The following VAV1 variants were observed in gnomAD, a reference collection of about 807,000 sequenced individuals.
VAV1 encodes the protein vav guanine nucleotide exchange factor 1.
Under a neutral mutation model 128.1 loss-of-function variants are expected in VAV1, and 33 were observed. That is an observed-to-expected ratio of 0.26 (90% CI 0.20 to 0.34). The LOEUF is 0.34. VAV1 is among the 10% of genes least tolerant of loss of function. The probability of loss-of-function intolerance (pLI) is 1.00; values close to 1 mark genes in which losing one functional copy is unlikely to be tolerated. For missense variants in VAV1, 715 were observed against 1,093.7 expected (o/e 0.65, Z 4.88); for synonymous variants, 394 against 409.8 (o/e 0.96, Z 0.47).
chr19:6,839,428 GGC>G (rs1972315888), intron 21 of VAV1, among the ~76,000 whole-genome samples: 1 of 151,578 alleles, frequency 6.6e-6, no homozygotes, highest in South Asian at 2.1e-4. Flanking sequence ...CACCACACCT[GGC>G]TAATTTTTTG....
intron 24 of VAV1, among the ~76,000 whole-genome samples, chr19:6,851,673 G>C (rs1433030852): frequency 6.6e-6 from 1 of 152,148 alleles, no homozygotes; most frequent in African/African-American, 2.4e-5. Flanking sequence ...GAGGGTTCTT[G>C]CTTCTGTTTG....
intron 1 of VAV1, among the ~76,000 whole-genome samples, chr19:6,804,978 G>A (rs1194618481): frequency 2.6e-5 from 4 of 151,302 alleles, no homozygotes; most frequent in African/African-American, 7.3e-5. Context: ...TGAACCACCC[G>A]CCTCAGCCTC....
chr19:6,778,795 C>T (rs1970699103), intron 1 of VAV1, among the ~76,000 whole-genome samples: 2 of 152,034 alleles, frequency 1.3e-5, no homozygotes, highest in Non-Finnish European at 2.9e-5. Flanking sequence ...GTAATCCCAG[C>T]ACTTTGGGAG....
At chr19:6,813,296 T>C (rs899700981) in intron 1 of VAV1, among the ~76,000 whole-genome samples, 1 of 152,222 alleles carries the variant, frequency 6.6e-6, no homozygotes, top group Non-Finnish European at 1.5e-5. Context: ...ACAGGACTGA[T>C]TGAGTGGCCT....
At chr19:6,797,714 A>G (rs1379479985) in intron 1 of VAV1, among the ~76,000 whole-genome samples, 1 of 149,784 alleles carries the variant, frequency 6.7e-6, no homozygotes, top group Admixed American at 6.7e-5. Context: ...ATTGCACTCC[A>G]GCCTGGGCAA....
intron 1 of VAV1, among the ~76,000 whole-genome samples, chr19:6,793,301 T>G (rs893821395): frequency 1.6e-4 from 24 of 151,276 alleles, no homozygotes; most frequent in African/African-American, 4.6e-4. Context: ...GCCACTGCAC[T>G]CCAGCCTGGG....
intron 22 of VAV1, among the ~76,000 whole-genome samples, chr19:6,844,140 A>T (rs1972459214): frequency 8.3e-6 from 1 of 120,392 alleles, no homozygotes; most frequent in Admixed American, 1.2e-4. Context: ...TGAATTACTT[A>T]ATGTCACATG....
At chr19:6,778,462 G>A (rs1160571656) in intron 1 of VAV1, among the ~76,000 whole-genome samples, 1 of 152,188 alleles carries the variant, frequency 6.6e-6, no homozygotes, top group Non-Finnish European at 1.5e-5. Flanking sequence ...GGACTGGGGA[G>A]TGGGTTGGGT....
intron 6 of VAV1, among the ~76,000 whole-genome samples, chr19:6,823,807 A>T (rs1215646032): frequency 6.6e-6 from 1 of 152,188 alleles, no homozygotes; most frequent in African/African-American, 2.4e-5. Flanking sequence ...TCATTAATAT[A>T]CATGTAATCC....
At position 6,772,940 on chromosome 19, in the gene VAV1, C is replaced by G; in HGVS notation, c.133C>G (p.Gln45Glu). 1.2e-6 allele frequency: 2 copies of G among 1,614,130 alleles called. No individual in the cohort carries two copies. The highest frequency in any genetic ancestry group is 8.5e-7 in the Non-Finnish European group (1 of 1,180,010). Reference sequence around the variant, plus strand: ...CCTCCGGGATGGTGTCCTTCTGTGTCAGCTGCTTAACAACCTGCTACCCCA... The same window carrying G: ...CCTCCGGGATGGTGTCCTTCTGTGTGAGCTGCTTAACAACCTGCTACCCCA... ...QALRDGVLLCQLLNNLLPHAI... is the reference protein window; with the variant it reads ...QALRDGVLLCELLNNLLPHAI... Residue 45 changes from glutamine to glutamate, a missense_variant, in exon 1 of 27, where the codon CAG becomes GAG. Gln to Glu is a conservative substitution (Grantham distance 29, BLOSUM62 2). Around this residue, in one of 3 missense-constraint regions of VAV1, gnomAD observed 302 missense variants for 477.8 expected, o/e 0.63. Coordinates refer to ENST00000602142, the MANE Select transcript of VAV1 (RefSeq NM_005428.4). The surrounding 1 kb of genome is among the most constrained non-coding windows in gnomAD (Gnocchi z 4.8).
chr19:6,814,671 C>CCTTTCTTTCTTTCTTTCTTTCTTT lies in VAV1; in HGVS notation c.205-5993_205-5970dup. ...TCCTTCCTTCCTTCCTTCCTTCCTT[C>CCTTTCTTTCTTTCTTTCTTTCTTT]CTTTCTTTCTTTCTTTCTTTCTTTC... On this transcript the variant is annotated intron_variant, in intron 1 of 26. Coordinates refer to ENST00000602142, the MANE Select transcript of VAV1 (RefSeq NM_005428.4). 7.7e-3 allele frequency among the ~76,000 whole-genome samples: 199 copies of CCTTTCTTTCTTTCTTTCTTTCTTT among 25,790 alleles called. 10 individuals are homozygous for CCTTTCTTTCTTTCTTTCTTTCTTT. Among genetic ancestry groups the CCTTTCTTTCTTTCTTTCTTTCTTT allele is most frequent in the East Asian group, 0.025 (20 of 786 alleles). The allele number at this position is 25,790 out of a possible 152,430, so 16.9% of individuals were successfully genotyped here. A position where few individuals can be genotyped will look rare whatever the true frequency, so the allele number is the denominator to read the frequency against.
chr19:6,790,936 T>C (rs964409748), intron 1 of VAV1, among the ~76,000 whole-genome samples: 5 of 152,160 alleles, frequency 3.3e-5, no homozygotes, highest in African/African-American at 1.2e-4. Flanking sequence ...AGAGGCACTT[T>C]TGCCTCTTCC....
rs1191213969 is a variant in VAV1, at chr19:6,826,774, G to A, written c.927+63G>A. The A allele has an allele frequency of 7.6e-7, 1 of 1,322,756 alleles. No homozygotes were observed. Among genetic ancestry groups the A allele is most frequent in the East Asian group, 2.5e-5 (1 of 39,908 alleles). The allele number at this position is 1,322,756 out of a possible 1,614,324, so 81.9% of individuals were successfully genotyped here. On this transcript the variant is annotated intron_variant, in intron 9 of 26. Coordinates refer to ENST00000602142, the MANE Select transcript of VAV1 (RefSeq NM_005428.4). The surrounding 1 kb of genome is among the most constrained non-coding windows in gnomAD (Gnocchi z 4.1). ...CCTCCCCAGGCCCTGGGGGCAGCAG[G>A]GAGGACACTGAGTTGCAGATGGTCC...
intron 21 of VAV1, among the ~76,000 whole-genome samples, chr19:6,840,400 G>A (rs1848983526): frequency 6.6e-6 from 1 of 151,572 alleles, no homozygotes; most frequent in Non-Finnish European, 1.5e-5. Context: ...CCACTTCCCG[G>A]GTTCACACCA....
At position 6,829,905 on chromosome 19, in the gene VAV1, G is replaced by T; in HGVS notation, c.1385G>T (p.Arg462Leu). 6.2e-7 allele frequency: 1 copy of T among 1,614,180 alleles called. No individual in the cohort carries two copies. The highest frequency in any genetic ancestry group is 8.5e-7 in the Non-Finnish European group (1 of 1,180,030). ...GTTCGGGATGACTCTTCAGGAGACC[G>T]AGACAACAAGAAGGTGGGGCTTTGA... The part of the protein sequence containing the change: ...FQVRDDSSGD[R>L]DNKKWSHMFL... The change falls in exon 14 of 27, where the codon CGA becomes CTA. Residue 462 changes from arginine (R) to leucine (L), a missense_variant. Arg to Leu is a moderately radical substitution (Grantham distance 102). Transcript: ENST00000602142.
In VAV1 at chr19:6,777,448, T is replaced by C. The variant is rs1970672940; in HGVS notation, c.204+4437T>C. Among the ~76,000 whole-genome samples the C allele has an allele frequency of 6.6e-6, 1 of 152,200 alleles. No individual in the cohort carries two copies. ...TAAGTCATCAGGAGGTGGTATGTAC[T>C]GCTCTGGAGAAAACAAAGTGGAACA... is the stretch of plus-strand genomic sequence containing the variant. On this transcript the variant is annotated intron_variant, in intron 1 of 26. Coordinates refer to ENST00000602142, the MANE Select transcript of VAV1 (RefSeq NM_005428.4). The surrounding 1 kb of genome is among the most constrained non-coding windows in gnomAD (Gnocchi z 4.4).
At chr19:6,806,381 G>T (rs12710097) in intron 1 of VAV1, among the ~76,000 whole-genome samples, 1 of 152,078 alleles carries the variant, frequency 6.6e-6, no homozygotes, top group Non-Finnish European at 1.5e-5. Context: ...CACCATGCAC[G>T]GCCAACAATT....
chr19:6,809,656 A>G (rs111866676), intron 1 of VAV1, among the ~76,000 whole-genome samples: 3,202 of 152,114 alleles, frequency 0.021, 127 homozygotes, highest in African/African-American at 0.074. Flanking sequence ...TCAAGAGGAG[A>G]TTGACATGGT....
At chr19:6,789,263 T>C (rs937608987) in intron 1 of VAV1, among the ~76,000 whole-genome samples, 7 of 151,618 alleles carry the variant, frequency 4.6e-5, no homozygotes, top group South Asian at 2.1e-4. Flanking sequence ...CTTTCTTCTT[T>C]TTTTTTTTTG....
Sources: allele counts gnomAD v4.1 joint callset (sites outside exome capture counted in the v4.1 genomes callset), GRCh38; gene constraint gnomAD v4.1.1; regional missense constraint gnomAD v4.1.1; non-coding constraint Gnocchi (gnomAD v3.1); transcripts MANE v1.5; gene names NCBI Gene and HGNC (gene_info 2026-07-23, HGNC 2026-07-21).